Variants in NEO1 observed in about 807,000 individuals in gnomAD.
The protein encoded by NEO1 is neogenin 1.
A neutral mutation model predicts 159.7 loss-of-function variants in NEO1; 63 were observed. The ratio of observed to expected loss-of-function variants is 0.39; its 90% CI spans 0.32 to 0.49. The LOEUF is 0.49. NEO1 is among the 20% of genes least tolerant of loss of function. The probability of loss-of-function intolerance (pLI) is 0.85; values close to 1 mark genes in which losing one functional copy is unlikely to be tolerated. For synonymous variants in NEO1, 633 were observed against 662.0 expected (o/e 0.96, Z 0.67); for missense variants, 1,615 against 1,831.0 (o/e 0.88, Z 2.15).
At position 73,194,737 on chromosome 15, in the gene NEO1, T is replaced by C. The variant is rs75717416; in HGVS notation, c.1291+16310T>C. 7.2e-3 allele frequency among the ~76,000 whole-genome samples: 1,091 copies of C among 152,298 alleles called. 14 individuals are homozygous for C. The highest frequency in any genetic ancestry group is 0.049 in the East Asian group (256 of 5,176). ...ATATCAGGCTTATACATGGTACATA[T>C]TTATTACATGTTGGATAGATGTTTC... On this transcript the variant is annotated intron_variant, in intron 7 of 28. Transcript: ENST00000261908.
intron 22 of NEO1, among the ~76,000 whole-genome samples, chr15:73,278,881 C>G (rs1460573994): frequency 6.6e-6 from 1 of 152,202 alleles, no homozygotes; most frequent in Non-Finnish European, 1.5e-5. Flanking sequence ...GTGCTTTTCC[C>G]ACTGTCACAT....
chr15:73,153,742 T>C (rs907511413), intron 5 of NEO1, among the ~76,000 whole-genome samples: 1 of 152,244 alleles, frequency 6.6e-6, no homozygotes, highest in African/African-American at 2.4e-5. Context: ...TTACAATACC[T>C]GACTTACATC....
At chr15:73,106,419 G>A (rs1043230589) in intron 1 of NEO1, among the ~76,000 whole-genome samples, 5 of 152,096 alleles carry the variant, frequency 3.3e-5, no homozygotes, top group Admixed American at 6.5e-5. Context: ...TTATTTACAT[G>A]AATATATCCA....
intron 8 of NEO1, among the ~76,000 whole-genome samples, chr15:73,239,034 A>G (rs936109111): frequency 6.6e-6 from 1 of 151,812 alleles, no homozygotes; most frequent in African/African-American, 2.4e-5. Flanking sequence ...TTTTTAGTAG[A>G]GATGGGGTTT....
chr15:73,300,012 A>T (rs2042551717), intron 27 of NEO1: 1 of 152,260 alleles, frequency 6.6e-6, no homozygotes, highest in Admixed American at 6.5e-5. Flanking sequence ...TGAAATATTC[A>T]TACTTCATTC....
chr15:73,293,310 G>T, intron 25 of NEO1, 80 bp from the exon 26 acceptor site: 1 of 1,550,648 alleles, frequency 6.4e-7, no homozygotes, highest in Non-Finnish European at 8.8e-7. Flanking sequence ...TGGGAAGGGG[G>T]TGACTTTGCT....
chr15:73,218,546 C>T (rs1218503408), intron 7 of NEO1, among the ~76,000 whole-genome samples: 1 of 151,872 alleles, frequency 6.6e-6, no homozygotes, highest in Non-Finnish European at 1.5e-5. Context: ...GCTGTGATTC[C>T]ATCTGGTCCT....
At chr15:73,090,119 T>G (rs543256589) in intron 1 of NEO1, among the ~76,000 whole-genome samples, 1 of 152,212 alleles carries the variant, frequency 6.6e-6, no homozygotes, top group Non-Finnish European at 1.5e-5. Context: ...GGAATTGATA[T>G]AGAAATATAT....
chr15:73,059,559 C>T (rs2067879520), intron 1 of NEO1, among the ~76,000 whole-genome samples: 1 of 152,174 alleles, frequency 6.6e-6, no homozygotes, highest in African/African-American at 2.4e-5. Flanking sequence ...GACGTGCTTT[C>T]TGTCCTCAGG....
At chr15:73,245,067 C>T (rs979349753) in intron 9 of NEO1, among the ~76,000 whole-genome samples, 4 of 150,716 alleles carry the variant, frequency 2.7e-5, no homozygotes, top group African/African-American at 9.8e-5. Context: ...AGACTTAGCT[C>T]AGATGCCTTC....
intron 5 of NEO1, among the ~76,000 whole-genome samples, chr15:73,141,645 A>G (rs1252908496): frequency 1.3e-5 from 2 of 152,202 alleles, no homozygotes; most frequent in Non-Finnish European, 2.9e-5. Flanking sequence ...CTACCACTTA[A>G]GTTTTAAACC....
At chr15:73,095,271 T>C (rs561493591) in intron 1 of NEO1, among the ~76,000 whole-genome samples, 1 of 151,974 alleles carries the variant, frequency 6.6e-6, no homozygotes, top group Admixed American at 6.6e-5. Flanking sequence ...TTAAATAACC[T>C]ATAAGCTAAT....
intron 7 of NEO1, among the ~76,000 whole-genome samples, chr15:73,189,606 G>T (rs2152006122): frequency 6.6e-6 from 1 of 152,352 alleles, no homozygotes; most frequent in Middle Eastern, 3.4e-3. Context: ...TGTAGGGAGA[G>T]TTTTCTGATT....
At chr15:73,189,816 A>G (rs186874320) in intron 7 of NEO1, among the ~76,000 whole-genome samples, 1 of 152,328 alleles carries the variant, frequency 6.6e-6, no homozygotes, top group East Asian at 1.9e-4. Context: ...TATCACTGGA[A>G]AACAGAATTT....
At chr15:73,223,459 G>T (rs2038402887) in intron 7 of NEO1, among the ~76,000 whole-genome samples, 1 of 152,130 alleles carries the variant, frequency 6.6e-6, no homozygotes, top group African/African-American at 2.4e-5. Context: ...AAATTTGGGA[G>T]CTCCAGTGTT....
chr15:73,182,179 C>T (rs1004630499), intron 7 of NEO1, among the ~76,000 whole-genome samples: 2 of 152,196 alleles, frequency 1.3e-5, no homozygotes, highest in South Asian at 2.1e-4. Context: ...GAAAGACCCA[C>T]CCCTATAATT....
intron 1 of NEO1, among the ~76,000 whole-genome samples, chr15:73,110,491 T>A (rs2070919375): frequency 6.6e-6 from 1 of 152,190 alleles, no homozygotes; most frequent in Non-Finnish European, 1.5e-5. Flanking sequence ...GAATTATTAC[T>A]GGTCACACAC....
intron 7 of NEO1, among the ~76,000 whole-genome samples, chr15:73,193,473 A>G (rs1234880455): frequency 6.6e-6 from 1 of 151,562 alleles, no homozygotes. Context: ...CAAGACAAAA[A>G]TTTATGTTCT....
chr15:73,179,101 A>T (rs981611132), intron 7 of NEO1, among the ~76,000 whole-genome samples: 1 of 152,214 alleles, frequency 6.6e-6, no homozygotes, highest in African/African-American at 2.4e-5. Context: ...AAGTATAAAG[A>T]AAAAAATCCA....
Sources: allele counts gnomAD v4.1 joint callset (sites outside exome capture counted in the v4.1 genomes callset), GRCh38; gene constraint gnomAD v4.1.1; transcripts MANE v1.5; gene names NCBI Gene and HGNC (gene_info 2026-07-23, HGNC 2026-07-21).